The following ZNF736 variants were observed in gnomAD, a reference collection of about 807,000 sequenced individuals.
ZNF736 encodes the protein zinc finger protein 736.
In ZNF736, 6 loss-of-function variants were observed where a neutral mutation model predicts 11.7. That is an observed-to-expected ratio of 0.51 (90% CI 0.28 to 1.01). ZNF736 has a LOEUF of 1.01. Ranked by LOEUF, ZNF736 falls within the 50% of genes least tolerant of loss-of-function variation. ZNF736 has a pLI of 0.09. For synonymous variants in ZNF736, 139 were observed against 164.7 expected, an observed-to-expected ratio of 0.84 and a Z score of 1.19; for missense variants, 444 against 496.0, an observed-to-expected ratio of 0.90 and a Z score of 1.00.
At chr7:64,330,905 C>G (rs898460179) in intron 1 of ZNF736, among the ~76,000 whole-genome samples, 1 of 152,208 alleles carries the variant, frequency 6.6e-6, no homozygotes, top group African/African-American at 2.4e-5. Context: ...TCTACTGTGG[C>G]TGAGATGATG....
At chr7:64,329,770 A>G (rs377753304) in intron 1 of ZNF736, among the ~76,000 whole-genome samples, 26 of 151,952 alleles carry the variant, frequency 1.7e-4, no homozygotes, top group African/African-American at 3.1e-4. Flanking sequence ...CCTAGCTACT[A>G]CTGATGTTCA....
At chr7:64,346,343 G>C (rs1394565036) in intron 3 of ZNF736, among the ~76,000 whole-genome samples, 1 of 150,188 alleles carries the variant, frequency 6.7e-6, no homozygotes, top group Admixed American at 6.6e-5. Context: ...TTTTTTATTA[G>C]ATCTAAAGTG....
intron 1 of ZNF736, among the ~76,000 whole-genome samples, chr7:64,322,067 A>G (rs1789010967): frequency 6.6e-6 from 1 of 152,176 alleles, no homozygotes; most frequent in African/African-American, 2.4e-5. Flanking sequence ...GCTGGATCAT[A>G]TAATTCTATG....
chr7:64,336,532 T>C (rs192453588), intron 2 of ZNF736, 147 bp downstream of exon 2: 1 of 853,634 alleles, frequency 1.2e-6, no homozygotes, highest in East Asian at 2.8e-5. Context: ...GTAGAAAATA[T>C]AATCTTCAAG....
chr7:64,347,010 T>C (rs1789419694), intron 3 of ZNF736, among the ~76,000 whole-genome samples: 1 of 151,736 alleles, frequency 6.6e-6, no homozygotes, highest in Non-Finnish European at 1.5e-5. Context: ...TTTTTTTTCT[T>C]TGAGCCATAT....
At position 64,348,301 on chromosome 7, in the gene ZNF736, A is replaced by G. The variant is rs1178428338; in HGVS notation, c.438A>G (p.Gln146=). The part of the protein sequence containing the change: ...CLSATHSKTC[Q]CNKCGRGFQL... ...CAGCTACCCATAGCAAAACCTGTCA[A>G]TGTAATAAATGTGGCAGAGGTTTTC... The change falls in exon 4 of 4, where the codon CAA becomes CAG. Residue 146 remains glutamine (Q), a synonymous_variant. Transcript: ENST00000423484. The G allele has an allele frequency of 9.0e-6, 14 of 1,551,758 alleles. No individual in the cohort carries two copies. The highest frequency in any genetic ancestry group is 7.8e-5 in the Admixed American group (4 of 50,982).
chr7:64,323,764 C>T (rs1259009062), intron 1 of ZNF736, among the ~76,000 whole-genome samples: 1 of 152,126 alleles, frequency 6.6e-6, no homozygotes, highest in East Asian at 1.9e-4. Context: ...TCAGGAAGAA[C>T]AGCTAATGGG....
At chr7:64,337,578 A>T (rs1404401734) in intron 3 of ZNF736, among the ~76,000 whole-genome samples, 1 of 152,164 alleles carries the variant, frequency 6.6e-6, no homozygotes, top group East Asian at 1.9e-4. Context: ...AAATTGTGTT[A>T]CTTCAAATGT....
At chr7:64,337,089 G>A in intron 3 of ZNF736, 107 bp downstream of exon 3, 3 of 941,258 alleles carry the variant, frequency 3.2e-6, no homozygotes, top group South Asian at 1.5e-5. Flanking sequence ...AGTGGAAATG[G>A]TTTCTGAGAA....
chr7:64,345,147 C>T (rs12536677), intron 3 of ZNF736, among the ~76,000 whole-genome samples: 27,682 of 151,392 alleles, frequency 0.18, 2,838 homozygotes, highest in Non-Finnish European at 0.22. Context: ...CCGACGCCTC[C>T]AGAGTAGCTG....
intron 1 of ZNF736, among the ~76,000 whole-genome samples, chr7:64,331,496 T>G (rs1232281183): frequency 6.6e-6 from 1 of 152,244 alleles, no homozygotes; most frequent in East Asian, 1.9e-4. Flanking sequence ...CTCTTTGATT[T>G]GATGCTAAAA....
At chr7:64,319,382 CCTGA>C (rs1788969811) in intron 1 of ZNF736, among the ~76,000 whole-genome samples, 1 of 80,606 alleles carries the variant, frequency 1.2e-5, no homozygotes, top group African/African-American at 4.0e-5. Flanking sequence ...TATATATATG[CCTGA>C]CTAAGCCTGA....
intron 1 of ZNF736, among the ~76,000 whole-genome samples, chr7:64,331,854 G>C (rs1320313621): frequency 1.3e-5 from 2 of 152,290 alleles, no homozygotes; most frequent in East Asian, 3.9e-4. Flanking sequence ...ATCTGTGGCA[G>C]AGAAAGGCAA....
At position 64,348,712 on chromosome 7, in the gene ZNF736, A is replaced by G; in HGVS notation, c.849A>G (p.Lys283=). 6.2e-7 allele frequency: 1 copy of G among 1,607,954 alleles called. No homozygotes were observed. The highest frequency in any genetic ancestry group is 8.5e-7 in the Non-Finnish European group (1 of 1,177,150). ...TNHKRIHTGE[K]PYKCEECNKA... is the part of the protein sequence containing the mutation. ...ATAAGAGAATTCATACTGGAGAGAA[A>G]CCCTACAAATGTGAAGAATGTAACA... The change falls in exon 4 of 4, where the codon AAA becomes AAG. Residue 283 remains lysine (K), a synonymous_variant. Transcript: ENST00000423484.
intron 1 of ZNF736, among the ~76,000 whole-genome samples, chr7:64,332,718 C>T (rs939678189): frequency 1.1e-4 from 16 of 152,002 alleles, no homozygotes; most frequent in Non-Finnish European, 1.0e-4. Context: ...CCAGAGCTGC[C>T]GTTTATAGAC....
At chr7:64,316,308 TC>T (rs1369045503) in intron 1 of ZNF736, among the ~76,000 whole-genome samples, 1 of 150,458 alleles carries the variant, frequency 6.6e-6, no homozygotes, top group Non-Finnish European at 1.5e-5. Context: ...AAGATTTTTT[TC>T]CCCTCAATCC....
intron 1 of ZNF736, among the ~76,000 whole-genome samples, chr7:64,317,016 A>G (rs1788927043): frequency 6.6e-6 from 1 of 152,266 alleles, no homozygotes; most frequent in East Asian, 1.9e-4. Flanking sequence ...CACGTAAATT[A>G]CAAAACATTC....
At chr7:64,314,655 A>G (rs760150663) in intron 1 of ZNF736, among the ~76,000 whole-genome samples, 1 of 152,008 alleles carries the variant, frequency 6.6e-6, no homozygotes, top group Non-Finnish European at 1.5e-5. Flanking sequence ...GCCTCCACCT[A>G]CTGGGCTCAG....
At chr7:64,314,535 C>T (rs1788884454) in intron 1 of ZNF736, among the ~76,000 whole-genome samples, 1 of 152,020 alleles carries the variant, frequency 6.6e-6, no homozygotes, top group African/African-American at 2.4e-5. Flanking sequence ...GTCCCTAGTC[C>T]CTCCTTTCTC....
Sources: gnomAD v4.1 joint callset for allele counts (sites outside exome capture counted in the v4.1 genomes callset) on GRCh38, gnomAD v4.1.1 for gene constraint, MANE v1.5 for transcripts, NCBI Gene and HGNC (gene_info 2026-07-23, HGNC 2026-07-21) for gene names.